ABCC11: variants seen among roughly 807,000 people sequenced by gnomAD.
ABCC11 encodes the protein ATP binding cassette subfamily C member 11.
In ABCC11, 135 loss-of-function variants were observed where a neutral mutation model predicts 149.3. The ratio of observed to expected loss-of-function variants is 0.90; its 90% CI spans 0.79 to 1.04. The LOEUF is 1.04. Among genes scored for constraint, ABCC11 ranks in the 50% least tolerant of loss-of-function variants. The pLI, the probability that ABCC11 is intolerant of heterozygous loss-of-function variation, is 0.00. For synonymous variants in ABCC11, 665 were observed against 671.4 expected, an observed-to-expected ratio of 0.99 and a Z score of 0.15; for missense variants, 1,680 against 1,722.1, an observed-to-expected ratio of 0.98 and a Z score of 0.43.
chr16:48,186,801 G>T, intron 22 of ABCC11, 152 bp downstream of exon 22: 1 of 946,094 alleles, frequency 1.1e-6, no homozygotes, highest in Non-Finnish European at 1.6e-6. Flanking sequence ...GAATGGTTCA[G>T]CAGGTTCTGG....
chr16:48,195,840 G>C (rs1967352853), intron 18 of ABCC11, among the ~76,000 whole-genome samples: 1 of 152,142 alleles, frequency 6.6e-6, no homozygotes, highest in Admixed American at 6.5e-5. Context: ...CCTGCTAAGG[G>C]AGCAGAGCCC....
In ABCC11 at chr16:48,186,350, C is replaced by T. The variant is rs184136222; in HGVS notation, c.3071+603G>A. On this transcript the variant is annotated intron_variant, in intron 22 of 29. Coordinates refer to ENST00000356608, the MANE Select transcript of ABCC11 (RefSeq NM_001370497.1). ...TCTGCCCCTCTCTTATGCTATCTAC[C>T]TTCTTCAATCACGTATAATTACAAA... Among the ~76,000 whole-genome samples the T allele has an allele frequency of 4.6e-5, 7 of 152,316 alleles. No homozygotes were observed. In the East Asian group the frequency reaches 7.7e-4, roughly 17 times the overall value.
At chr16:48,210,615 T>A (rs1032099120) in intron 11 of ABCC11, 6 of 290,658 alleles carry the variant, frequency 2.1e-5, no homozygotes, top group African/African-American at 1.3e-4. Flanking sequence ...AGGATAGTGC[T>A]TGGCACATAC....
At position 48,214,920 on chromosome 16, in the gene ABCC11, G is replaced by A. The variant is rs755250702; in HGVS notation, c.1209C>T (p.Leu403=). 9 of 1,614,062 alleles carry A rather than the reference G, an allele frequency of 5.6e-6. No individual in the cohort carries two copies. The highest frequency in any genetic ancestry group is 1.6e-4 in the Middle Eastern group (1 of 6,084). The change falls in exon 9 of 30, where the codon CTC becomes CTT. Residue 403 remains leucine, a synonymous_variant. Coordinates refer to ENST00000356608, the MANE Select transcript of ABCC11 (RefSeq NM_001370497.1). ...IPTVATAVWV[L]IHTSLKLKLT... ...GTTTCAGCTTTAAGGATGTGTGGATGAGAACCCAGACCGCTGTGGCCACTG... is the reference window on the plus strand; with the variant it reads ...GTTTCAGCTTTAAGGATGTGTGGATAAGAACCCAGACCGCTGTGGCCACTG...
chr16:48,167,998 G>T (rs1210302718), intron 28 of ABCC11, among the ~76,000 whole-genome samples: 1 of 152,156 alleles, frequency 6.6e-6, no homozygotes. Context: ...CTCCAAGAAG[G>T]GGCAGGCACA....
At chr16:48,191,169 T>C (rs1966890560) in intron 20 of ABCC11, among the ~76,000 whole-genome samples, 1 of 152,216 alleles carries the variant, frequency 6.6e-6, no homozygotes. Context: ...TCATTAATAA[T>C]AGTAATTAAT....
chr16:48,198,368 TA>T, intron 15 of ABCC11, 93 bp from the exon 16 acceptor site: 2 of 1,337,216 alleles, frequency 1.5e-6, no homozygotes, highest in African/African-American at 2.9e-5. Flanking sequence ...TAAACCATGA[TA>T]AAATATTATT....
At chr16:48,194,115 GGAA>G in intron 18 of ABCC11, 133 bp from the exon 19 acceptor site, 2 of 602,928 alleles carry the variant, frequency 3.3e-6, no homozygotes, top group Non-Finnish European at 5.9e-6. Flanking sequence ...ACACCTTGGA[GGAA>G]TGGGAAGAGC....
chr16:48,198,278 G>A lies in ABCC11; in HGVS notation c.2083-3C>T. 1.2e-6 allele frequency: 2 copies of A among 1,613,896 alleles called. No individual in the cohort carries two copies. The highest frequency in any genetic ancestry group is 1.3e-5 in the African/African-American group (1 of 74,994). On this transcript the variant is annotated splice_region_variant and splice_polypyrimidine_tract_variant and intron_variant, in intron 15 of 29. Coordinates refer to ENST00000356608, the MANE Select transcript of ABCC11 (RefSeq NM_001370497.1). ...ATCTGGCCACAAAATTCTAAGTACT[G>A]GACAGTCAAAAGAAAGAAAGGCTTC...
chr16:48,236,094 A>G (rs1970674307), intron 1 of ABCC11, among the ~76,000 whole-genome samples: 1 of 152,042 alleles, frequency 6.6e-6, no homozygotes, highest in Admixed American at 6.6e-5. Flanking sequence ...CTCCTCCTGT[A>G]CCTCGCCCTG....
chr16:48,200,024 T>C (rs1049982227), intron 15 of ABCC11, among the ~76,000 whole-genome samples: 2 of 152,170 alleles, frequency 1.3e-5, no homozygotes, highest in African/African-American at 2.4e-5. Context: ...TCAAAAAATT[T>C]TGAAGATAAA....
At chr16:48,222,945 A>T (rs1969844584) in intron 5 of ABCC11, 114 bp from the exon 6 acceptor site, 11 of 894,280 alleles carry the variant, frequency 1.2e-5, no homozygotes, top group Admixed American at 9.7e-5. Context: ...TTGTTGAAGG[A>T]TCAAAACTGA....
intron 28 of ABCC11, among the ~76,000 whole-genome samples, chr16:48,168,140 C>T (rs1186565106): frequency 2.0e-5 from 3 of 151,976 alleles, no homozygotes. Context: ...TGTGATTTCA[C>T]AAATGGCACT....
At chr16:48,239,767 G>T (rs1174120168) in intron 1 of ABCC11, among the ~76,000 whole-genome samples, 1 of 151,968 alleles carries the variant, frequency 6.6e-6, no homozygotes, top group Non-Finnish European at 1.5e-5. Flanking sequence ...GAAAAATTTT[G>T]CAATCTGACA....
At chr16:48,190,397 G>C (rs1966867028) in intron 20 of ABCC11, among the ~76,000 whole-genome samples, 3 of 151,380 alleles carry the variant, frequency 2.0e-5, no homozygotes, top group Middle Eastern at 6.8e-3. Flanking sequence ...GGGTCTCACT[G>C]TCTCCCAGGC....
At position 48,175,280 on chromosome 16, in the gene ABCC11, C is replaced by T. The variant is rs1280935322; in HGVS notation, c.3676G>A (p.Val1226Met). The T allele has an allele frequency of 1.2e-6, 2 of 1,613,558 alleles. No individual in the cohort carries two copies. The highest frequency in any genetic ancestry group is 1.7e-6 in the Non-Finnish European group (2 of 1,179,594). ...SKLSVIPQDP[V>M]LLSGTIRFNL... ...CACCTGATGGTTCCTGAGAGCAGCA[C>T]TGGATCTTGAGGGATCACTGAGAGC... The change falls in exon 26 of 30, where the codon GTG becomes ATG. Residue 1226 changes from valine to methionine, a missense_variant. By Grantham distance (21) the Val-to-Met change is conservative (BLOSUM62 1). Transcript: ENST00000356608.
At chr16:48,194,541 A>G (rs1313702656) in intron 18 of ABCC11, among the ~76,000 whole-genome samples, 1 of 152,212 alleles carries the variant, frequency 6.6e-6, no homozygotes, top group Non-Finnish European at 1.5e-5. Flanking sequence ...TCCAAAATTC[A>G]TATGTTGAAA....
intron 1 of ABCC11, among the ~76,000 whole-genome samples, chr16:48,244,020 T>TAAATAAATAAATAAAC (rs1338927124): frequency 6.6e-6 from 1 of 152,084 alleles, no homozygotes; most frequent in African/African-American, 2.4e-5. Flanking sequence ...AATAAATAAA[T>TAAATAAATAAATAAAC]AATTAGTTCG....
At chr16:48,181,115 C>T (rs1966400011) in intron 23 of ABCC11, among the ~76,000 whole-genome samples, 1 of 152,220 alleles carries the variant, frequency 6.6e-6, no homozygotes, top group Non-Finnish European at 1.5e-5. Context: ...TCGCCCTGAG[C>T]GTTGCCCTCC....
Sources: allele counts gnomAD v4.1 joint callset (sites outside exome capture counted in the v4.1 genomes callset), GRCh38; gene constraint gnomAD v4.1.1; transcripts MANE v1.5; gene names NCBI Gene and HGNC (gene_info 2026-07-23, HGNC 2026-07-21).